Variants in ABCD3 observed in about 807,000 individuals in gnomAD.
ABCD3 encodes the protein ATP binding cassette subfamily D member 3.
A neutral mutation model predicts 105.5 loss-of-function variants in ABCD3; 41 were observed. That is an observed-to-expected ratio of 0.39 (90% CI 0.30 to 0.50). ABCD3 has a LOEUF of 0.50. Ranked by LOEUF, ABCD3 falls within the 20% of genes least tolerant of loss-of-function variation. The pLI, the probability that ABCD3 is intolerant of heterozygous loss-of-function variation, is 0.84. For synonymous variants in ABCD3, 258 were observed against 269.0 expected (o/e 0.96, Z 0.40); for missense variants, 622 against 806.3 (o/e 0.77, Z 2.77).
chr1:94,491,300 T>C (rs1649525227), intron 16 of ABCD3, 53 bp downstream of exon 16: 1 of 1,294,080 alleles, frequency 7.7e-7, no homozygotes, highest in Non-Finnish European at 1.1e-6. Context: ...AAATGTGAAC[T>C]GAAAAAGATT....
chr1:94,510,037 G>A (rs531343515), intron 21 of ABCD3, among the ~76,000 whole-genome samples: 99 of 152,148 alleles, frequency 6.5e-4, no homozygotes, highest in African/African-American at 1.8e-3. Context: ...GCTAGCTTTT[G>A]AATGTGTTTT....
intron 1 of ABCD3, chr1:94,455,700 C>CTT: frequency 1.9e-6 from 1 of 513,058 alleles, no homozygotes; most frequent in Non-Finnish European, 3.6e-6. Context: ...CCAATTGAAG[C>CTT]TTTATAAGAT....
chr1:94,448,381 T>C (rs1306449706), intron 1 of ABCD3, among the ~76,000 whole-genome samples: 2 of 152,230 alleles, frequency 1.3e-5, no homozygotes, highest in Admixed American at 1.3e-4. Context: ...TGTTTCAATT[T>C]TTGAAATGAA....
chr1:94,511,995 C>T (rs981294384), intron 21 of ABCD3, among the ~76,000 whole-genome samples: 1 of 152,174 alleles, frequency 6.6e-6, no homozygotes, highest in East Asian at 1.9e-4. Flanking sequence ...CTCAGCTCGT[C>T]AAAGTCATTC....
At chr1:94,480,894 C>G (rs1649000275) in intron 9 of ABCD3, among the ~76,000 whole-genome samples, 1 of 152,160 alleles carries the variant, frequency 6.6e-6, no homozygotes, top group Admixed American at 6.5e-5. Flanking sequence ...ATTCAAATTT[C>G]AACTTACAAT....
intron 2 of ABCD3, among the ~76,000 whole-genome samples, chr1:94,462,086 T>G (rs532456495): frequency 2.1e-3 from 321 of 152,340 alleles, no homozygotes; most frequent in Non-Finnish European, 3.4e-3. Flanking sequence ...TAGGTTTTCT[T>G]TTTTCCTTTG....
At chr1:94,441,685 T>C (rs1015999300) in intron 1 of ABCD3, among the ~76,000 whole-genome samples, 1 of 152,150 alleles carries the variant, frequency 6.6e-6, no homozygotes, top group Non-Finnish European at 1.5e-5. Flanking sequence ...GTGCTTTCTA[T>C]GGACTGATAG....
the ABCD3 span, chr1:94,406,408 C>T: frequency 9.6e-6 from 3 of 311,424 alleles, no homozygotes; most frequent in South Asian, 3.5e-5. Context: ...GCCATGAATT[C>T]ATAGGGAATA....
the ABCD3 span, among the ~76,000 whole-genome samples, chr1:94,404,906 T>C: frequency 6.9e-6 from 1 of 145,964 alleles, no homozygotes; most frequent in African/African-American, 2.6e-5. Context: ...GCCGCTGCAC[T>C]GCAGCCTGGG....
intron 1 of ABCD3, among the ~76,000 whole-genome samples, chr1:94,429,924 C>T (rs967613964): frequency 6.6e-5 from 10 of 152,218 alleles, no homozygotes; most frequent in South Asian, 2.1e-4. Context: ...TTGCACTGTG[C>T]GCCTGGAAAA....
In ABCD3 at chr1:94,518,377, A is replaced by G. The variant is rs909105366; in HGVS notation, c.*1248A>G. 1.1e-4 allele frequency: 16 copies of G among 152,110 alleles called. No individual in the cohort carries two copies. Among genetic ancestry groups the G allele is most frequent in the African/African-American group, 3.9e-4 (16 of 41,370 alleles). 9.4% of individuals were successfully genotyped at this position (152,110 alleles called of 1,614,324 possible). On this transcript the variant is annotated 3_prime_UTR_variant, in exon 23 of 23. Coordinates refer to ENST00000370214, the MANE Select transcript of ABCD3 (RefSeq NM_002858.4). ...ATAACTGGTTTTGTTTTTTTGCAGA[A>G]TTAACTATAACAATCACTGGCTACC...
intron 1 of ABCD3, among the ~76,000 whole-genome samples, chr1:94,435,020 A>G (rs2100898656): frequency 6.6e-6 from 1 of 150,964 alleles, no homozygotes; most frequent in South Asian, 2.1e-4. Context: ...TCCCCCTGCC[A>G]CCTCCCTTTC....
chr1:94,422,993 C>A (rs988146040), intron 1 of ABCD3, among the ~76,000 whole-genome samples: 1 of 152,196 alleles, frequency 6.6e-6, no homozygotes, highest in Non-Finnish European at 1.5e-5. Flanking sequence ...TCTGGTCTTA[C>A]TTTACCTGGC....
chr1:94,516,859 T>C (rs1264117401), intron 22 of ABCD3, among the ~76,000 whole-genome samples, 193 bp from the exon 23 acceptor site: 5 of 151,928 alleles, frequency 3.3e-5, no homozygotes, highest in African/African-American at 4.8e-5. Flanking sequence ...GGAACAGTCT[T>C]GCATTTAGCA....
chr1:94,465,133 A>G (rs138605021), intron 3 of ABCD3, among the ~76,000 whole-genome samples: 23 of 152,206 alleles, frequency 1.5e-4, no homozygotes, highest in African/African-American at 5.3e-4. Context: ...CTTTTAAACA[A>G]CCAGATACAT....
At chr1:94,438,392 G>T (rs1659998290) in intron 1 of ABCD3, among the ~76,000 whole-genome samples, 2 of 151,372 alleles carry the variant, frequency 1.3e-5, no homozygotes, top group Non-Finnish European at 2.9e-5. Flanking sequence ...CAAAGAAAGT[G>T]ATTTCTTCAG....
intron 1 of ABCD3, among the ~76,000 whole-genome samples, chr1:94,437,879 A>T (rs2100905300): frequency 6.6e-6 from 1 of 152,276 alleles, no homozygotes; most frequent in South Asian, 2.1e-4. Flanking sequence ...ACCCTCATGG[A>T]TGACTTTGAG....
At chr1:94,504,109 C>T (rs1367787293) in intron 20 of ABCD3, among the ~76,000 whole-genome samples, 1 of 151,800 alleles carries the variant, frequency 6.6e-6, no homozygotes, top group Non-Finnish European at 1.5e-5. Flanking sequence ...GACAGGGTTT[C>T]ACTATGTTGG....
At chr1:94,488,106 G>A in intron 13 of ABCD3, 123 bp downstream of exon 13, 1 of 857,658 alleles carries the variant, frequency 1.2e-6, no homozygotes. Flanking sequence ...AGGTGGTTTT[G>A]ATAGAAAATT....
Sources: gnomAD v4.1 joint callset for allele counts (sites outside exome capture counted in the v4.1 genomes callset) on GRCh38, gnomAD v4.1.1 for gene constraint, MANE v1.5 for transcripts, NCBI Gene and HGNC (gene_info 2026-07-23, HGNC 2026-07-21) for gene names.